Variants in DIP2C observed in about 807,000 individuals in gnomAD.
The protein encoded by DIP2C is disco-interacting protein 2 homolog C.
In DIP2C, 33 loss-of-function variants were observed where a neutral mutation model predicts 192.4. That is an observed-to-expected ratio of 0.17 (90% CI 0.13 to 0.23). The LOEUF (loss-of-function observed/expected upper bound fraction) is 0.23, where lower values mean the gene tolerates loss of function less well. DIP2C is among the 10% of genes least tolerant of loss of function. The pLI is 1.00. For missense variants in DIP2C, 1,537 were observed against 2,110.1 expected (o/e 0.73, Z 5.32); for synonymous variants, 979 against 864.1 (o/e 1.13, Z -2.33).
At chr10:484,030 A>G (rs76405038) in intron 2 of DIP2C, among the ~76,000 whole-genome samples, 3,426 of 152,206 alleles carry the variant, frequency 0.023, 130 homozygotes, top group African/African-American at 0.078. Flanking sequence ...GGCTGGTCTG[A>G]AACACCTGGA....
rs75421093 is a variant in DIP2C, at chr10:611,454, G to A, written c.85+78040C>T. Among the ~76,000 whole-genome samples, 696 of 152,214 alleles carry A rather than the reference G, an allele frequency of 4.6e-3. 10 individuals are homozygous for A. Among genetic ancestry groups the A allele is most frequent in the African/African-American group, 0.015 (635 of 41,518 alleles). ...CCCGCACTCTAGCTGGTTTTCCGAA[G>A]CCTTTGCCAGAGCACAGACTGTTTT... On this transcript the variant is annotated intron_variant, in intron 1 of 36. Coordinates refer to ENST00000280886, the MANE Select transcript of DIP2C (RefSeq NM_014974.3).
At chr10:330,787 T>C (rs1429202229) in intron 29 of DIP2C, among the ~76,000 whole-genome samples, 4 of 150,546 alleles carry the variant, frequency 2.7e-5, no homozygotes, top group Non-Finnish European at 4.4e-5. Flanking sequence ...ATTACAGGCA[T>C]GAGCCACCAT....
intron 1 of DIP2C, among the ~76,000 whole-genome samples, chr10:600,608 G>A (rs928029753): frequency 6.7e-6 from 1 of 149,706 alleles, no homozygotes; most frequent in Non-Finnish European, 1.5e-5. Context: ...ACCTTAAAGA[G>A]GGTTTCCGGA....
intron 3 of DIP2C, among the ~76,000 whole-genome samples, chr10:454,897 T>C (rs1385037387): frequency 6.6e-6 from 1 of 152,200 alleles, no homozygotes; most frequent in East Asian, 1.9e-4. Context: ...TAGATTACTA[T>C]GTATATCCAC....
intron 6 of DIP2C, 141 bp from the exon 7 acceptor site, chr10:416,029 G>T: frequency 7.6e-7 from 1 of 1,307,432 alleles, no homozygotes; most frequent in Admixed American, 2.1e-5. Flanking sequence ...AGGGCCCGAG[G>T]TGATCATGCT....
rs139977901 is a variant in DIP2C at position 387,089 on chromosome 10, CAG to C, written c.1662+654_1662+655del. On this transcript the variant is annotated intron_variant, in intron 14 of 36. Transcript: ENST00000280886. ...TAGCAGGCCCCACCGACTCAACAAA[CAG>C]AAACATCCAGCTAACCAGATGTACG... is the stretch of plus-strand genomic sequence containing the variant. 6.1e-3 allele frequency among the ~76,000 whole-genome samples: 930 copies of C among 152,344 alleles called. 3 individuals carry two copies. Among genetic ancestry groups the C allele is most frequent in the Middle Eastern group, 0.014 (4 of 294 alleles).
intron 8 of DIP2C, among the ~76,000 whole-genome samples, chr10:413,255 T>C (rs1315757378): frequency 6.6e-6 from 1 of 152,206 alleles, no homozygotes; most frequent in Non-Finnish European, 1.5e-5. Context: ...CCGTTAACCA[T>C]GTGCAAAAAG....
At chr10:603,677 T>TA (rs1399543850) in intron 1 of DIP2C, among the ~76,000 whole-genome samples, 1 of 152,220 alleles carries the variant, frequency 6.6e-6, no homozygotes, top group Non-Finnish European at 1.5e-5. Flanking sequence ...AAAAGGCTGA[T>TA]ACAACAGGGT....
intron 1 of DIP2C, among the ~76,000 whole-genome samples, chr10:688,289 G>T (rs1769236): frequency 0.7 from 107,011 of 151,992 alleles, 43,285 homozygotes; most frequent in South Asian, 0.89. Context: ...CACACCTCGC[G>T]GAACCCCACA....
At chr10:541,049 CTGGGGAGCCACAACACCCGAT>C (rs1847956990) in intron 1 of DIP2C, among the ~76,000 whole-genome samples, 1 of 96,980 alleles carries the variant, frequency 1.0e-5, no homozygotes, top group Non-Finnish European at 1.9e-5. Context: ...ACACCCGATG[CTGGGGAGCCACAACACCCGAT>C]GCTGGGGAGC....
intron 10 of DIP2C, among the ~76,000 whole-genome samples, chr10:391,455 G>A (rs1318381992): frequency 1.3e-5 from 2 of 152,188 alleles, no homozygotes; most frequent in African/African-American, 4.8e-5. Flanking sequence ...CAGCCCCACT[G>A]GAGACACCAG....
At chr10:595,285 G>C (rs1049412519) in intron 1 of DIP2C, among the ~76,000 whole-genome samples, 1 of 152,134 alleles carries the variant, frequency 6.6e-6, no homozygotes, top group African/African-American at 2.4e-5. Context: ...GTTCTTATTA[G>C]TTCCTATTTT....
chr10:646,257 C>G (rs948464950), intron 1 of DIP2C, among the ~76,000 whole-genome samples: 1 of 152,166 alleles, frequency 6.6e-6, no homozygotes, highest in East Asian at 1.9e-4. Flanking sequence ...ACTCACTGCC[C>G]CGTGCCCCCC....
chr10:420,542 G>A (rs558096981), intron 5 of DIP2C, among the ~76,000 whole-genome samples: 7 of 152,316 alleles, frequency 4.6e-5, no homozygotes, highest in South Asian at 2.1e-4. Context: ...GGATGGTAGC[G>A]TCTGGGAGGC....
chr10:385,849 C>A (rs1304341989), intron 14 of DIP2C, among the ~76,000 whole-genome samples: 2 of 152,144 alleles, frequency 1.3e-5, no homozygotes, highest in Non-Finnish European at 2.9e-5. Context: ...ATTTGGGAAG[C>A]TCCAGATGAA....
At chr10:424,355 G>GTTT (rs557255878) in intron 4 of DIP2C, among the ~76,000 whole-genome samples, 54 of 83,122 alleles carry the variant, frequency 6.5e-4, no homozygotes, top group African/African-American at 1.2e-3. Flanking sequence ...ATCACCTTGG[G>GTTT]TTTTTTTTTT....
chr10:564,362 C>T (rs980732797), intron 1 of DIP2C, among the ~76,000 whole-genome samples: 5 of 152,264 alleles, frequency 3.3e-5, no homozygotes, highest in East Asian at 3.9e-4. Context: ...CCAGCCTGGA[C>T]GTCACCTTGG....
chr10:494,901 T>G (rs568693335), intron 1 of DIP2C, among the ~76,000 whole-genome samples: 1 of 152,286 alleles, frequency 6.6e-6, no homozygotes, highest in South Asian at 2.1e-4. Flanking sequence ...CCAAAGGAAT[T>G]TAAACCAGTG....
chr10:657,983 C>T (rs556752437), intron 1 of DIP2C, among the ~76,000 whole-genome samples: 14 of 142,748 alleles, frequency 9.8e-5, no homozygotes, highest in South Asian at 2.3e-4. Context: ...CTGGACCTGC[C>T]GCTGGACCTG....
Sources: gnomAD v4.1 joint callset for allele counts (sites outside exome capture counted in the v4.1 genomes callset) on GRCh38, gnomAD v4.1.1 for gene constraint, MANE v1.5 for transcripts, NCBI Gene and HGNC (gene_info 2026-07-23, HGNC 2026-07-21) for gene names.